NBEA: variants seen among roughly 807,000 people sequenced by gnomAD.
The protein encoded by NBEA is neurobeachin.
Under a neutral mutation model 343.4 loss-of-function variants are expected in NBEA, and 44 were observed. That is an observed-to-expected ratio of 0.13 (90% CI 0.10 to 0.16). The LOEUF (loss-of-function observed/expected upper bound fraction) is 0.16. NBEA is among the 10% of genes least tolerant of loss of function. The pLI, the probability that NBEA is intolerant of heterozygous loss-of-function variation, is 1.00. For synonymous variants in NBEA, 1,175 were observed against 1,238.7 expected (o/e 0.95, Z 1.08); for missense variants, 2,555 against 3,631.3 (o/e 0.70, Z 7.62).
chr13:35,518,827 G>A (rs141013641), intron 41 of NBEA, among the ~76,000 whole-genome samples: 14 of 152,234 alleles, frequency 9.2e-5, no homozygotes, highest in East Asian at 5.8e-4. Flanking sequence ...GATTTGGGGC[G>A]GTGTGGGGGG....
chr13:35,044,815 C>CAT (rs71196573), intron 2 of NBEA, 132 bp from the exon 3 acceptor site: 8,235 of 360,172 alleles, frequency 0.023, 57 homozygotes, highest in African/African-American at 0.027. Context: ...GTATTAGATA[C>CAT]ATATATATAT....
At chr13:35,183,632 GT>G (rs1171092358) in intron 29 of NBEA, among the ~76,000 whole-genome samples, 2 of 151,754 alleles carry the variant, frequency 1.3e-5, no homozygotes, top group Non-Finnish European at 1.5e-5. Flanking sequence ...TCCAGTTCAT[GT>G]TTTTTCACCA....
At chr13:35,371,308 C>A (rs1044579015) in intron 38 of NBEA, among the ~76,000 whole-genome samples, 3 of 151,850 alleles carry the variant, frequency 2.0e-5, no homozygotes, top group Non-Finnish European at 4.4e-5. Context: ...TTATTATATT[C>A]TTTTTTCTTT....
intron 18 of NBEA, among the ~76,000 whole-genome samples, chr13:35,153,805 C>T (rs907301594): frequency 3.3e-5 from 5 of 152,142 alleles, no homozygotes; most frequent in African/African-American, 2.4e-5. Flanking sequence ...CCTTTAAGCT[C>T]GTCTGAAGTT....
rs768544457 is a variant in NBEA at position 35,309,610 on chromosome 13, T to C, written c.5903+18T>C. ...GAAGGAAGGTAATTAATTTTACAAT[T>C]TTAGACAACTAGTCAGTGTACATTT... On this transcript the variant is annotated intron_variant, in intron 36 of 58. Transcript: ENST00000379939. The C allele has an allele frequency of 1.7e-5, 25 of 1,454,656 alleles. No homozygotes were observed. Among genetic ancestry groups the C allele is most frequent in the Non-Finnish European group, 2.3e-5 (24 of 1,058,922 alleles). The allele number at this position is 1,454,656 out of a possible 1,614,324, so 90.1% of individuals were successfully genotyped here.
intron 13 of NBEA, among the ~76,000 whole-genome samples, chr13:35,112,757 G>A (rs1035189065): frequency 1.3e-5 from 2 of 151,900 alleles, no homozygotes; most frequent in Non-Finnish European, 1.5e-5. Context: ...CTCTTTTTAT[G>A]TATATATAAA....
chr13:35,411,462 CTTT>C (rs199640430), intron 38 of NBEA, among the ~76,000 whole-genome samples: 1 of 146,132 alleles, frequency 6.8e-6, no homozygotes. Context: ...CTTGTCTCTT[CTTT>C]TTTTTTTTTG....
chr13:35,458,569 C>A (rs2046714488), intron 40 of NBEA, among the ~76,000 whole-genome samples: 2 of 152,256 alleles, frequency 1.3e-5, no homozygotes, highest in Middle Eastern at 3.4e-3. Context: ...ACTATCTGCT[C>A]ATACTAACTG....
chr13:35,493,525 G>T (rs1245053736), intron 41 of NBEA, among the ~76,000 whole-genome samples: 1 of 151,760 alleles, frequency 6.6e-6, no homozygotes, highest in Non-Finnish European at 1.5e-5. Context: ...ATTTTGGTAG[G>T]ACCTAGTCAT....
intron 1 of NBEA, among the ~76,000 whole-genome samples, chr13:34,947,002 T>C (rs1739208031): frequency 1.3e-5 from 2 of 151,936 alleles, no homozygotes; most frequent in African/African-American, 4.8e-5. Context: ...ATTTAAAAAA[T>C]ATACAGTTGC....
At chr13:35,453,820 T>C (rs957368980) in intron 40 of NBEA, among the ~76,000 whole-genome samples, 1 of 152,188 alleles carries the variant, frequency 6.6e-6, no homozygotes, top group Admixed American at 6.5e-5. Context: ...ATTTCTCTTC[T>C]TTAATGGTAG....
At chr13:35,555,579 G>A (rs747207294) in intron 44 of NBEA, among the ~76,000 whole-genome samples, 13 of 152,032 alleles carry the variant, frequency 8.6e-5, no homozygotes, top group Non-Finnish European at 1.2e-4. Context: ...TAAATTATGA[G>A]TAACTGCCAT....
At chr13:35,158,220 T>C (rs992280786) in intron 21 of NBEA, among the ~76,000 whole-genome samples, 5 of 152,104 alleles carry the variant, frequency 3.3e-5, no homozygotes, top group East Asian at 1.9e-4. Context: ...TTATGAGATA[T>C]TCTTTAAAGG....
chr13:35,306,271 T>C (rs1422527796), intron 35 of NBEA, among the ~76,000 whole-genome samples: 1 of 152,162 alleles, frequency 6.6e-6, no homozygotes, highest in Admixed American at 6.6e-5. Flanking sequence ...TTGTTCATCA[T>C]ATAATTAAAT....
rs139985825 is a variant in NBEA at position 35,672,467 on chromosome 13, A to T, written c.*1476A>T. On this transcript the variant is annotated 3_prime_UTR_variant, in exon 59 of 59. Transcript: ENST00000379939. Reference sequence around the variant, plus strand: ...TCCTTCTTCACTGTTGTTTGTATTTATGAAATTCTGAAATTATGGGGAATC... The same window carrying T: ...TCCTTCTTCACTGTTGTTTGTATTTTTGAAATTCTGAAATTATGGGGAATC... 1 of 152,760 alleles carries T rather than the reference A, an allele frequency of 6.5e-6. No homozygotes were observed. Among genetic ancestry groups the T allele is most frequent in the African/African-American group, 2.4e-5 (1 of 41,582 alleles). 9.5% of individuals were successfully genotyped at this position (152,760 alleles called of 1,614,324 possible).
At chr13:35,115,370 A>G (rs958229174) in intron 13 of NBEA, among the ~76,000 whole-genome samples, 5 of 152,078 alleles carry the variant, frequency 3.3e-5, no homozygotes, top group African/African-American at 1.2e-4. Context: ...CCTTATTTAA[A>G]CATCACTAAG....
intron 1 of NBEA, among the ~76,000 whole-genome samples, chr13:35,036,468 T>C (rs534075700): frequency 6.8e-4 from 104 of 152,266 alleles, no homozygotes; most frequent in South Asian, 1.7e-3. Context: ...TTCTGTGTTT[T>C]TCTGTGTACT....
At chr13:35,348,689 T>G (rs574323967) in intron 36 of NBEA, among the ~76,000 whole-genome samples, 1 of 152,164 alleles carries the variant, frequency 6.6e-6, no homozygotes, top group South Asian at 2.1e-4. Context: ...TTTAAAAATT[T>G]TATTGAGGTA....
At chr13:35,564,671 A>G (rs1220639977) in intron 44 of NBEA, among the ~76,000 whole-genome samples, 1 of 152,192 alleles carries the variant, frequency 6.6e-6, no homozygotes, top group Admixed American at 6.5e-5. Context: ...TCTCATCATT[A>G]GTATTATTCA....
Sources: gnomAD v4.1 joint callset for allele counts (sites outside exome capture counted in the v4.1 genomes callset) on GRCh38, gnomAD v4.1.1 for gene constraint, MANE v1.5 for transcripts, NCBI Gene and HGNC (gene_info 2026-07-23, HGNC 2026-07-21) for gene names.